The following ANKRD31 variants were observed in gnomAD, a reference collection of about 807,000 sequenced individuals.
ANKRD31 encodes ankyrin repeat domain 31.
In ANKRD31, 147 loss-of-function variants were observed where a neutral mutation model predicts 186.0. The observed-to-expected ratio is 0.79, with a 90% CI of 0.69 to 0.91. The LOEUF (loss-of-function observed/expected upper bound fraction) is 0.91. Among genes scored for constraint, ANKRD31 ranks in the 40% least tolerant of loss-of-function variants. ANKRD31 has a pLI of 0.00. For synonymous variants in ANKRD31, 673 were observed against 736.4 expected, an observed-to-expected ratio of 0.91 and a Z score of 1.39; for missense variants, 1,986 against 2,148.8, an observed-to-expected ratio of 0.92 and a Z score of 1.50.
intron 7 of ANKRD31, among the ~76,000 whole-genome samples, chr5:75,195,065 G>T (rs1384700479): frequency 6.6e-6 from 1 of 152,098 alleles, no homozygotes; most frequent in Admixed American, 6.6e-5. Flanking sequence ...GAGCCTCCAG[G>T]CATAATACTA....
chr5:75,168,429 T>C (rs1486447270), intron 11 of ANKRD31, among the ~76,000 whole-genome samples: 1 of 152,196 alleles, frequency 6.6e-6, no homozygotes, highest in Non-Finnish European at 1.5e-5. Context: ...GTTTCTGAGA[T>C]AAACCATGTA....
At chr5:75,158,924 T>C (rs1752388978) in intron 11 of ANKRD31, among the ~76,000 whole-genome samples, 1 of 152,120 alleles carries the variant, frequency 6.6e-6, no homozygotes, top group South Asian at 2.1e-4. Context: ...AAAAACACTC[T>C]AAAACAGCTA....
Position 75,146,325 on chromosome 5 carries a change from T to A in ANKRD31, c.3086A>T (p.Glu1029Val), listed in dbSNP as rs115902001. The A allele has an allele frequency of 6.5e-7, 1 of 1,536,536 alleles. No individual in the cohort carries two copies. The highest frequency in any genetic ancestry group is 8.7e-7 in the Non-Finnish European group (1 of 1,146,456). The change falls in exon 14 of 26, where the codon GAG (glutamate) becomes GTG (valine). Residue 1029 changes from glutamate to valine, a missense_variant. Physicochemically the swap from Glu to Val is moderately radical, Grantham distance 121. Transcript: ENST00000506364. ...ATAATCCTGTGGCTTTTTGAATAGC[T>A]CCACATGATTAGTCAACTTTGAAGC... Reference protein sequence around the residue: ...HEASKLTNHVELFKKPQDYIP... With the variant: ...HEASKLTNHVVLFKKPQDYIP...
chr5:75,165,282 T>C (rs987839633), intron 11 of ANKRD31, among the ~76,000 whole-genome samples: 24 of 152,228 alleles, frequency 1.6e-4, no homozygotes, highest in Admixed American at 1.4e-3. Flanking sequence ...GTATTCTGAC[T>C]CTTCATCCCT....
At chr5:75,071,555 G>A (rs1431419069) in intron 25 of ANKRD31, among the ~76,000 whole-genome samples, 2 of 148,720 alleles carry the variant, frequency 1.3e-5, no homozygotes, top group African/African-American at 5.0e-5. Flanking sequence ...GAGTACAATA[G>A]TGCAATCTCA....
Position 75,230,546 on chromosome 5 carries a change from A to C in ANKRD31, c.178+16T>G, listed in dbSNP as rs1348488906. ...GGAAACTAAAGGGACTACTTAATGA[A>C]AAGAATCATTCTCACCTTTGCACAT... On this transcript the variant is annotated intron_variant, in intron 2 of 25. Transcript: ENST00000506364. 2 of 1,526,814 alleles carry C rather than the reference A, an allele frequency of 1.3e-6. No homozygotes were observed. Among genetic ancestry groups the C allele is most frequent in the Admixed American group, 2.0e-5 (1 of 50,668 alleles). The allele number at this position is 1,526,814 out of a possible 1,614,324, so 94.6% of individuals were successfully genotyped here.
chr5:75,209,989 C>T (rs1178255655), intron 4 of ANKRD31, among the ~76,000 whole-genome samples: 1 of 152,156 alleles, frequency 6.6e-6, no homozygotes, highest in Non-Finnish European at 1.5e-5. Context: ...AATGTAAATA[C>T]CATGAAATAG....
chr5:75,113,706 T>C (rs1747965282), intron 19 of ANKRD31, among the ~76,000 whole-genome samples: 1 of 152,182 alleles, frequency 6.6e-6, no homozygotes, highest in African/African-American at 2.4e-5. Flanking sequence ...TAAAAGTACA[T>C]AATAAAATAA....
intron 22 of ANKRD31, among the ~76,000 whole-genome samples, chr5:75,098,293 T>C (rs996223010): frequency 2.1e-4 from 32 of 152,208 alleles, no homozygotes; most frequent in African/African-American, 7.5e-4. Flanking sequence ...GGCCTATATC[T>C]CTGTTTTGGT....
chr5:75,131,754 C>A (rs987251218), intron 17 of ANKRD31, among the ~76,000 whole-genome samples: 1 of 152,088 alleles, frequency 6.6e-6, no homozygotes, highest in Non-Finnish European at 1.5e-5. Flanking sequence ...CTAGGAGGCA[C>A]CTCCCATTAG....
rs138525823 is a variant in ANKRD31 at position 75,105,660 on chromosome 5, A to G, written c.4341-442T>C. 1.0e-3 allele frequency among the ~76,000 whole-genome samples: 152 copies of G among 152,300 alleles called. 3 individuals carry two copies. In the East Asian group the frequency reaches 0.026, roughly 26 times the overall value. ...GCTTACCTGTTTATTAGTAAGTACA[A>G]TTTGAAAGTTCTATTCAGGTTCTCT... On this transcript the variant is annotated intron_variant, in intron 21 of 25. Transcript: ENST00000506364.
At chr5:75,068,710 T>G (rs761367053) in intron 25 of ANKRD31, 46 bp from the exon 26 acceptor site, 646 of 1,445,416 alleles carry the variant, frequency 4.5e-4, no homozygotes, top group Non-Finnish European at 5.4e-4. Flanking sequence ...CTCTGAAATT[T>G]AAGATGTAAA....
intron 17 of ANKRD31, among the ~76,000 whole-genome samples, chr5:75,136,515 C>T (rs1426122735): frequency 1.3e-5 from 2 of 152,178 alleles, no homozygotes; most frequent in South Asian, 4.1e-4. Context: ...CAGGAAACAA[C>T]AGGTGCTGGA....
intron 22 of ANKRD31, among the ~76,000 whole-genome samples, chr5:75,100,520 G>C (rs1488214340): frequency 2.6e-5 from 4 of 152,202 alleles, no homozygotes; most frequent in African/African-American, 9.6e-5. Flanking sequence ...GTTGACAGTG[G>C]GGTGTTAAAG....
At chr5:75,134,455 C>T (rs1041985999) in intron 17 of ANKRD31, among the ~76,000 whole-genome samples, 17 of 152,130 alleles carry the variant, frequency 1.1e-4, no homozygotes, top group African/African-American at 3.9e-4. Flanking sequence ...CCTCCCAAGA[C>T]TAAACCAGGA....
chr5:75,098,841 T>C (rs1212000758), intron 22 of ANKRD31, among the ~76,000 whole-genome samples: 1 of 151,884 alleles, frequency 6.6e-6, no homozygotes, highest in African/African-American at 2.4e-5. Context: ...GCTGAGATGA[T>C]GGGTTTTCTA....
At chr5:75,187,883 A>G (rs144342796) in intron 10 of ANKRD31, among the ~76,000 whole-genome samples, 229 of 152,272 alleles carry the variant, frequency 1.5e-3, no homozygotes, top group African/African-American at 5.0e-3. Flanking sequence ...CAAAAGCACC[A>G]TCCAGGCTGT....
At chr5:75,224,704 T>G (rs1196144389) in intron 2 of ANKRD31, among the ~76,000 whole-genome samples, 4 of 152,096 alleles carry the variant, frequency 2.6e-5, no homozygotes, top group Non-Finnish European at 5.9e-5. Flanking sequence ...AGATTAAAAA[T>G]GTATCTTTAT....
rs1752024272 is a variant in ANKRD31 at position 75,154,357 on chromosome 5, T to TG, written c.1708-13_1708-12insC. The TG allele has an allele frequency of 1.3e-6, 2 of 1,524,176 alleles. No individual in the cohort carries two copies. Among genetic ancestry groups the TG allele is most frequent in the Non-Finnish European group, 1.8e-6 (2 of 1,141,124 alleles). The allele number at this position is 1,524,176 out of a possible 1,614,324, so 94.4% of individuals were successfully genotyped here. A position where few individuals can be genotyped will look rare whatever the true frequency, so the allele number is the denominator to read the frequency against. ...AGTAACTCTGCCACCTAGAAAAAGG[T>TG]TATTTATGTAAGGGAACCCAGATTG... is the stretch of plus-strand genomic sequence containing the variant. On this transcript the variant is annotated splice_polypyrimidine_tract_variant and intron_variant, in intron 11 of 25. Coordinates refer to ENST00000506364, the MANE Select transcript of ANKRD31 (RefSeq NM_001372053.1).
Sources: allele counts gnomAD v4.1 joint callset (sites outside exome capture counted in the v4.1 genomes callset), GRCh38; gene constraint gnomAD v4.1.1; transcripts MANE v1.5; gene names NCBI Gene and HGNC (gene_info 2026-07-23, HGNC 2026-07-21).